Variants in PEPD observed in about 807,000 individuals in gnomAD.
PEPD encodes the protein xaa-Pro dipeptidase.
Under a neutral mutation model 60.7 loss-of-function variants are expected in PEPD, and 53 were observed. The observed-to-expected ratio is 0.87, with a 90% CI of 0.70 to 1.10. PEPD has a LOEUF of 1.10. Ranked by LOEUF, PEPD falls within the 50% of genes least tolerant of loss-of-function variation. The pLI is 0.00. For synonymous variants in PEPD, 267 were observed against 284.1 expected (o/e 0.94, Z 0.60); for missense variants, 711 against 711.9 (o/e 1.00, Z 0.01).
intron 6 of PEPD, among the ~76,000 whole-genome samples, chr19:33,478,591 T>C (rs1187313356): frequency 1.3e-5 from 2 of 152,134 alleles, no homozygotes; most frequent in Non-Finnish European, 2.9e-5. Flanking sequence ...ATTCATCACT[T>C]ACAAGGGATC....
At chr19:33,460,715 G>A (rs1282578305) in intron 9 of PEPD, among the ~76,000 whole-genome samples, 1 of 152,160 alleles carries the variant, frequency 6.6e-6, no homozygotes, top group Non-Finnish European at 1.5e-5. Flanking sequence ...CACAGCATGG[G>A]CAGCAGGTAC....
chr19:33,503,465 G>A (rs926472931), intron 3 of PEPD, among the ~76,000 whole-genome samples: 3 of 152,168 alleles, frequency 2.0e-5, no homozygotes, highest in Admixed American at 6.5e-5. Flanking sequence ...GCACGGCCTC[G>A]AGCAGTTATG....
At chr19:33,464,914 C>T (rs927524314) in intron 7 of PEPD, among the ~76,000 whole-genome samples, 3 of 152,200 alleles carry the variant, frequency 2.0e-5, no homozygotes, top group East Asian at 1.9e-4. Flanking sequence ...CCTGGGTCCG[C>T]GGGCACAGAA....
At chr19:33,436,988 G>A (rs1969390086) in intron 9 of PEPD, among the ~76,000 whole-genome samples, 1 of 152,206 alleles carries the variant, frequency 6.6e-6, no homozygotes, top group Non-Finnish European at 1.5e-5. Flanking sequence ...ACTTCCTGGA[G>A]GAGGAGGAAA....
chr19:33,521,048 C>G (rs902696288), intron 1 of PEPD, among the ~76,000 whole-genome samples: 5 of 152,206 alleles, frequency 3.3e-5, no homozygotes, highest in Non-Finnish European at 7.3e-5. Context: ...GGAGATTCCG[C>G]CCAACGCTCT....
chr19:33,490,313 T>C (rs1325013275), intron 5 of PEPD, among the ~76,000 whole-genome samples: 1 of 152,228 alleles, frequency 6.6e-6, no homozygotes, highest in African/African-American at 2.4e-5. Context: ...CAGCAAGGCC[T>C]TCTCCATGGA....
chr19:33,423,408 G>C (rs988282344), intron 9 of PEPD, among the ~76,000 whole-genome samples: 1 of 152,172 alleles, frequency 6.6e-6, no homozygotes, highest in Non-Finnish European at 1.5e-5. Flanking sequence ...TCCTAGAAGG[G>C]AGATTATTGA....
rs200255068 is a variant in PEPD at position 33,439,503 on chromosome 19, G to A, written c.671+23492C>T. ...CTAGGCCAGGGCGGGCTGGCCTCTG[G>A]TGTGGGCTGGCTGTGAGGTTCATTG... On this transcript the variant is annotated intron_variant, in intron 9 of 14. Coordinates refer to ENST00000244137, the MANE Select transcript of PEPD (RefSeq NM_000285.4). Among the ~76,000 whole-genome samples, 5 of 152,366 alleles carry A rather than the reference G, an allele frequency of 3.3e-5. No homozygotes were observed. The East Asian group carries it at 9.6e-4, about 29-fold the overall frequency.
chr19:33,477,909 A>G (rs1970247982), intron 7 of PEPD, 137 bp downstream of exon 7: 1 of 528,056 alleles, frequency 1.9e-6, no homozygotes, highest in Non-Finnish European at 3.9e-6. Flanking sequence ...AGCAAAACAG[A>G]AAAGGCTATG....
At chr19:33,508,211 G>A (rs752843646) in intron 3 of PEPD, among the ~76,000 whole-genome samples, 3 of 152,182 alleles carry the variant, frequency 2.0e-5, no homozygotes, top group Non-Finnish European at 2.9e-5. Context: ...CCAGCAGTGA[G>A]GGCCATGAGG....
chr19:33,451,817 A>G (rs1040371595), intron 9 of PEPD, among the ~76,000 whole-genome samples: 9 of 152,248 alleles, frequency 5.9e-5, no homozygotes, highest in Non-Finnish European at 1.2e-4. Context: ...CTTGAAAGCT[A>G]TAAAAAGCAA....
chr19:33,506,647 CCACA>C (rs1223777849), intron 3 of PEPD, among the ~76,000 whole-genome samples: 3 of 144,946 alleles, frequency 2.1e-5, no homozygotes, highest in African/African-American at 5.2e-5. Flanking sequence ...ACACACATGC[CCACA>C]CACACTCCCT....
At chr19:33,479,575 C>T (rs1970278786) in intron 6 of PEPD, among the ~76,000 whole-genome samples, 1 of 152,182 alleles carries the variant, frequency 6.6e-6, no homozygotes. Context: ...TCCTCCCACC[C>T]TCCACCTTCC....
intron 7 of PEPD, among the ~76,000 whole-genome samples, chr19:33,465,310 A>AC (rs1970000439): frequency 6.6e-6 from 1 of 152,180 alleles, no homozygotes; most frequent in Non-Finnish European, 1.5e-5. Context: ...TGACAGGCCC[A>AC]CAAAGCTAGA....
chr19:33,508,345 T>G (rs751894336), intron 3 of PEPD, among the ~76,000 whole-genome samples: 2 of 152,188 alleles, frequency 1.3e-5, no homozygotes, highest in African/African-American at 2.4e-5. Context: ...ACAACTCTGC[T>G]CTGGGTAGAG....
intron 9 of PEPD, among the ~76,000 whole-genome samples, chr19:33,434,779 C>T (rs1030311453): frequency 4.6e-5 from 7 of 152,208 alleles, no homozygotes; most frequent in East Asian, 1.9e-4. Flanking sequence ...GCCTTGGGAA[C>T]GGGGCCAGAA....
At chr19:33,489,924 C>A (rs565775392) in intron 6 of PEPD, 72 bp downstream of exon 6, 1 of 870,978 alleles carries the variant, frequency 1.1e-6, no homozygotes, top group Non-Finnish European at 1.9e-6. Context: ...ATTTGTAGAC[C>A]GGGAAAGACC....
At chr19:33,407,701 T>C (rs780406805) in intron 11 of PEPD, among the ~76,000 whole-genome samples, 2 of 152,210 alleles carry the variant, frequency 1.3e-5, no homozygotes, top group Non-Finnish European at 2.9e-5. Flanking sequence ...GCCCCTCTGG[T>C]ACAGTGACTT....
At chr19:33,521,521 G>A (rs1600184293) in intron 1 of PEPD, among the ~76,000 whole-genome samples, 1 of 152,228 alleles carries the variant, frequency 6.6e-6, no homozygotes, top group Non-Finnish European at 1.5e-5. Flanking sequence ...GGCAGGTGGG[G>A]CCGGAGCCAG....
Sources: gnomAD v4.1 joint callset for allele counts (sites outside exome capture counted in the v4.1 genomes callset) on GRCh38, gnomAD v4.1.1 for gene constraint, MANE v1.5 for transcripts, NCBI Gene and HGNC (gene_info 2026-07-23, HGNC 2026-07-21) for gene names.